KDM7A: variants seen among roughly 807,000 people sequenced by gnomAD.
KDM7A encodes the protein lysine demethylase 7A.
A neutral mutation model predicts 114.8 loss-of-function variants in KDM7A; 28 were observed. That is an observed-to-expected ratio of 0.24 (90% CI 0.18 to 0.33). The LOEUF is 0.33. KDM7A is among the 10% of genes least tolerant of loss of function. The pLI is 1.00. For missense variants in KDM7A, 942 were observed against 1,142.5 expected (o/e 0.82, Z 2.53); for synonymous variants, 423 against 397.8 (o/e 1.06, Z -0.75).
rs761973063 is a variant in KDM7A, at chr7:140,124,745, T to C, written c.927A>G (p.Glu309=). 1.2e-6 allele frequency: 2 copies of C among 1,612,092 alleles called. No homozygotes were observed. Among genetic ancestry groups the C allele is most frequent in the East Asian group, 4.5e-5 (2 of 44,848 alleles). The part of the protein sequence containing the change: ...KIFYLIKPTD[E]NLARYESWSS... ...TCCAAGATTCATAACGTGCCAAATT[T>C]TCATCTGTTGGCTTTATTAAATAAA... The change falls in exon 7 of 20, where the codon GAA becomes GAG. Residue 309 remains glutamate, a synonymous_variant. Coordinates refer to ENST00000397560, the MANE Select transcript of KDM7A (RefSeq NM_030647.2).
chr7:140,123,711 T>C (rs1818651460), intron 7 of KDM7A, among the ~76,000 whole-genome samples: 1 of 152,174 alleles, frequency 6.6e-6, no homozygotes, highest in Non-Finnish European at 1.5e-5. Flanking sequence ...GCTCAACCTG[T>C]ATATCCCACA....
chr7:140,166,922 T>A (rs1178559281), intron 1 of KDM7A, among the ~76,000 whole-genome samples: 1 of 152,114 alleles, frequency 6.6e-6, no homozygotes, highest in African/African-American at 2.4e-5. Flanking sequence ...AGTAGTAGAA[T>A]ATAAAAGTAA....
At position 140,087,088 on chromosome 7, in the gene KDM7A, T is replaced by C. The variant is rs1314296081; in HGVS notation, c.*4006A>G. The C allele has an allele frequency of 1.3e-5, 2 of 152,216 alleles. No individual in the cohort carries two copies. Among genetic ancestry groups the C allele is most frequent in the African/African-American group, 4.8e-5 (2 of 41,450 alleles). 9.4% of individuals were successfully genotyped at this position (152,216 alleles called of 1,614,324 possible). On this transcript the variant is annotated 3_prime_UTR_variant, in exon 20 of 20. Coordinates refer to ENST00000397560, the MANE Select transcript of KDM7A (RefSeq NM_030647.2). ...GCGTCTCCTTTCCTACACTGGTTTC[T>C]TTCTACCAAGCAAACTGTTGGTACC... is the stretch of plus-strand genomic sequence containing the variant.
In KDM7A at chr7:140,101,801, C is replaced by T; in HGVS notation, c.1638+150G>A. 3 of 624,962 alleles carry T rather than the reference C, an allele frequency of 4.8e-6. No homozygotes were observed. In the South Asian group the frequency reaches 5.9e-5, roughly 12 times the overall value. The allele number at this position is 624,962 out of a possible 1,614,324, so 38.7% of individuals were successfully genotyped here. A position where few individuals can be genotyped will look rare whatever the true frequency, so the allele number is the denominator to read the frequency against. ...AACTTAGAAAGATTAAGCACCACTCCCTGTCACAGGCATAACTACTGGTTG... is the reference window on the plus strand; with the variant it reads ...AACTTAGAAAGATTAAGCACCACTCTCTGTCACAGGCATAACTACTGGTTG... On this transcript the variant is annotated intron_variant, in intron 12 of 19. Coordinates refer to ENST00000397560, the MANE Select transcript of KDM7A (RefSeq NM_030647.2).
intron 5 of KDM7A, among the ~76,000 whole-genome samples, chr7:140,127,151 G>C (rs1024322150): frequency 2.0e-5 from 3 of 152,154 alleles, no homozygotes; most frequent in African/African-American, 7.2e-5. Context: ...AGTAGAGAGG[G>C]GGTTACGCCA....
chr7:140,145,321 C>T (rs764401033), intron 1 of KDM7A, among the ~76,000 whole-genome samples: 12 of 152,012 alleles, frequency 7.9e-5, no homozygotes, highest in Non-Finnish European at 1.2e-4. Flanking sequence ...GATGTGAAGA[C>T]GGAAGGTAGT....
At position 140,106,323 on chromosome 7, in the gene KDM7A, T is replaced by C. The variant is rs573127735; in HGVS notation, c.1429-4163A>G. Among the ~76,000 whole-genome samples the C allele has an allele frequency of 1.8e-3, 281 of 152,318 alleles. 6 individuals carry two copies. Among genetic ancestry groups the C allele is most frequent in the African/African-American group, 6.4e-3 (266 of 41,572 alleles). On this transcript the variant is annotated intron_variant, in intron 11 of 19. Transcript: ENST00000397560. ...CTGATCTTAGTTATTTCTTGCCTTCTGCTAGCTTTTGAATGTGTTTGCTCT... is the reference window on the plus strand; with the variant it reads ...CTGATCTTAGTTATTTCTTGCCTTCCGCTAGCTTTTGAATGTGTTTGCTCT...
intron 9 of KDM7A, among the ~76,000 whole-genome samples, chr7:140,116,491 G>A (rs1050962983): frequency 6.6e-6 from 1 of 152,122 alleles, no homozygotes; most frequent in African/African-American, 2.4e-5. Context: ...TAACACAAAG[G>A]TCAGGATAAT....
rs879553137 is a variant in KDM7A at position 140,137,017 on chromosome 7, A to G, written c.280+2088T>C. Among the ~76,000 whole-genome samples the G allele has an allele frequency of 1.5e-3, 232 of 152,152 alleles. 2 individuals carry two copies. The highest frequency in any genetic ancestry group is 2.0e-3 in the Non-Finnish European group (138 of 67,978). ...ATAAAAAATAAATTAAAAAAAAAAA[A>G]AGAGAGAAGCTTAATAGCAGAGGGA... On this transcript the variant is annotated intron_variant, in intron 2 of 19. Coordinates refer to ENST00000397560, the MANE Select transcript of KDM7A (RefSeq NM_030647.2).
chr7:140,141,005 A>G (rs960804732), intron 1 of KDM7A, among the ~76,000 whole-genome samples: 1 of 152,176 alleles, frequency 6.6e-6, no homozygotes, highest in Non-Finnish European at 1.5e-5. Context: ...CTAGTTCCAT[A>G]AACCAACAAT....
chr7:140,155,456 A>T (rs916419235), intron 1 of KDM7A, among the ~76,000 whole-genome samples: 11 of 152,334 alleles, frequency 7.2e-5, no homozygotes, highest in African/African-American at 2.6e-4. Context: ...GGTTTATTTA[A>T]GTGATATTTG....
chr7:140,143,830 C>T (rs1032229077), intron 1 of KDM7A, among the ~76,000 whole-genome samples: 7 of 152,160 alleles, frequency 4.6e-5, no homozygotes, highest in Non-Finnish European at 1.0e-4. Context: ...TTACACTTTG[C>T]TTTTGAGTAG....
At chr7:140,118,280 T>G (rs1001408555) in intron 9 of KDM7A, among the ~76,000 whole-genome samples, 3 of 152,220 alleles carry the variant, frequency 2.0e-5, no homozygotes, top group Admixed American at 6.5e-5. Flanking sequence ...GTCTCCAACT[T>G]GAGTGCTCAA....
intron 13 of KDM7A, 45 bp downstream of exon 13, chr7:140,099,854 C>A: frequency 6.4e-7 from 1 of 1,567,636 alleles, no homozygotes; most frequent in South Asian, 1.1e-5. Context: ...CAAAGGGAAC[C>A]CAATGAAAAT....
chr7:140,090,944 T>G lies in KDM7A; in HGVS notation c.*150A>C. The G allele has an allele frequency of 1.6e-6, 1 of 629,076 alleles. No individual in the cohort carries two copies. Among genetic ancestry groups the G allele is most frequent in the Non-Finnish European group, 2.9e-6 (1 of 348,030 alleles). The allele number at this position is 629,076 out of a possible 1,614,324, so 39.0% of individuals were successfully genotyped here. A position where few individuals can be genotyped will look rare whatever the true frequency, so the allele number is the denominator to read the frequency against. ...TTATTGCTGAGTGGGTGTGGCACAG[T>G]GAAAATGCAGCATCAGGTTCATTCT... On this transcript the variant is annotated 3_prime_UTR_variant, in exon 20 of 20. Coordinates refer to ENST00000397560, the MANE Select transcript of KDM7A (RefSeq NM_030647.2).
intron 14 of KDM7A, 150 bp downstream of exon 14, chr7:140,098,729 C>A (rs1040179738): frequency 3.0e-6 from 2 of 673,788 alleles, no homozygotes; most frequent in Non-Finnish European, 5.0e-6. Flanking sequence ...TTCAGCACTT[C>A]TCTCATACTT....
At chr7:140,131,946 T>C (rs1417329058) in intron 3 of KDM7A, among the ~76,000 whole-genome samples, 5 of 152,194 alleles carry the variant, frequency 3.3e-5, no homozygotes, top group Non-Finnish European at 7.3e-5. Flanking sequence ...TATGGAAGGA[T>C]ATCTATGAAA....
intron 1 of KDM7A, among the ~76,000 whole-genome samples, chr7:140,144,603 T>C (rs1234296829): frequency 1.3e-5 from 2 of 151,724 alleles, no homozygotes; most frequent in Non-Finnish European, 2.9e-5. Flanking sequence ...GGAAAGGAAA[T>C]ATAAAAGGGG....
intron 1 of KDM7A, among the ~76,000 whole-genome samples, chr7:140,142,647 T>G (rs2116825513): frequency 6.6e-6 from 1 of 152,272 alleles, no homozygotes; most frequent in South Asian, 2.1e-4. Flanking sequence ...CAATAGGAAC[T>G]TTAAACTGAT....
Sources: allele counts gnomAD v4.1 joint callset (sites outside exome capture counted in the v4.1 genomes callset), GRCh38; gene constraint gnomAD v4.1.1; transcripts MANE v1.5; gene names NCBI Gene and HGNC (gene_info 2026-07-23, HGNC 2026-07-21).